Variants in PTPRT observed in about 807,000 individuals in gnomAD.
The protein encoded by PTPRT is receptor-type tyrosine-protein phosphatase T.
A neutral mutation model predicts 176.8 loss-of-function variants in PTPRT; 56 were observed. The ratio of observed to expected loss-of-function variants is 0.32; its 90% CI spans 0.26 to 0.40. The LOEUF is 0.40. Ranked by LOEUF, PTPRT falls within the 10% of genes least tolerant of loss-of-function variation. PTPRT has a pLI of 1.00. For synonymous variants in PTPRT, 783 were observed against 739.0 expected (o/e 1.06, Z -0.96); for missense variants, 1,540 against 1,908.2 (o/e 0.81, Z 3.60).
the PTPRT span, among the ~76,000 whole-genome samples, chr20:42,043,039 T>C: frequency 6.6e-6 from 1 of 152,236 alleles, no homozygotes. Flanking sequence ...AGAATATGCA[T>C]GGCACTGGCA....
At chr20:42,607,048 T>A (rs1555161) in intron 7 of PTPRT, among the ~76,000 whole-genome samples, 44,389 of 152,170 alleles carry the variant, frequency 0.29, 9,537 homozygotes, top group African/African-American at 0.61. Flanking sequence ...CACATGCTAC[T>A]ACATAGATTA....
chr20:43,040,764 T>C (rs2146212255), intron 1 of PTPRT, among the ~76,000 whole-genome samples: 1 of 152,308 alleles, frequency 6.6e-6, no homozygotes, highest in South Asian at 2.1e-4. Flanking sequence ...CCTGAGGCCA[T>C]GTCTGGGTAG....
intron 4 of PTPRT, among the ~76,000 whole-genome samples, chr20:42,773,719 CA>C (rs972864161): frequency 1.3e-5 from 2 of 152,146 alleles, no homozygotes; most frequent in African/African-American, 4.8e-5. Flanking sequence ...CAGTTCAAAT[CA>C]ATTCTTAAAA....
At chr20:42,877,730 C>G (rs1327355925) in intron 2 of PTPRT, among the ~76,000 whole-genome samples, 1 of 152,178 alleles carries the variant, frequency 6.6e-6, no homozygotes, top group Non-Finnish European at 1.5e-5. Context: ...GGCCCGTGAA[C>G]AAGCTTGCAG....
chr20:42,340,089 C>T (rs1028603475), intron 11 of PTPRT, among the ~76,000 whole-genome samples: 2 of 152,146 alleles, frequency 1.3e-5, no homozygotes, highest in African/African-American at 2.4e-5. Context: ...ATGGAAATGC[C>T]GTCCAGTATG....
intron 8 of PTPRT, among the ~76,000 whole-genome samples, chr20:42,456,367 TTTA>T (rs1483376189): frequency 6.6e-6 from 1 of 152,034 alleles, no homozygotes; most frequent in Non-Finnish European, 1.5e-5. Flanking sequence ...TTTCCAATCT[TTTA>T]TTTTCTTATC....
chr20:42,908,195 C>G (rs1479853286), intron 1 of PTPRT, among the ~76,000 whole-genome samples: 1 of 151,946 alleles, frequency 6.6e-6, no homozygotes, highest in Non-Finnish European at 1.5e-5. Flanking sequence ...GATGTCCAGC[C>G]CACGACCATG....
At chr20:42,210,284 G>C (rs1028281311) in intron 15 of PTPRT, among the ~76,000 whole-genome samples, 1 of 152,168 alleles carries the variant, frequency 6.6e-6, no homozygotes, top group African/African-American at 2.4e-5. Context: ...CACAGTGTTG[G>C]AAGTTCTGGC....
the PTPRT span, among the ~76,000 whole-genome samples, chr20:42,042,381 A>G: frequency 6.6e-6 from 1 of 152,332 alleles, no homozygotes; most frequent in South Asian, 2.1e-4. Flanking sequence ...GCCTGCCAGG[A>G]TGCTTTTGCC....
At chr20:42,583,171 C>T (rs2073408027) in intron 7 of PTPRT, among the ~76,000 whole-genome samples, 1 of 152,192 alleles carries the variant, frequency 6.6e-6, no homozygotes, top group African/African-American at 2.4e-5. Context: ...CAGAGATGAT[C>T]TTGCTCCTGA....
At chr20:42,237,740 T>C (rs1002073502) in intron 14 of PTPRT, among the ~76,000 whole-genome samples, 5 of 152,216 alleles carry the variant, frequency 3.3e-5, no homozygotes, top group African/African-American at 1.2e-4. Flanking sequence ...TTTTCTTATG[T>C]TGTAAGAAAA....
At chr20:43,023,384 T>A (rs1985780967) in intron 1 of PTPRT, among the ~76,000 whole-genome samples, 3 of 152,218 alleles carry the variant, frequency 2.0e-5, no homozygotes, top group Admixed American at 1.3e-4. Flanking sequence ...AAGTGTCAGC[T>A]TCATATGAGG....
intron 2 of PTPRT, among the ~76,000 whole-genome samples, chr20:42,808,694 A>G (rs1251043034): frequency 6.6e-6 from 1 of 152,142 alleles, no homozygotes; most frequent in Non-Finnish European, 1.5e-5. Flanking sequence ...GGATGCGTCA[A>G]GTAGATAGTT....
At chr20:42,284,518 T>C (rs759770670) in intron 12 of PTPRT, among the ~76,000 whole-genome samples, 1 of 152,092 alleles carries the variant, frequency 6.6e-6, no homozygotes, top group African/African-American at 2.4e-5. Context: ...ACAATCTGGA[T>C]AATGCCAATG....
At chr20:42,264,353 A>G (rs1477447024) in intron 13 of PTPRT, among the ~76,000 whole-genome samples, 2 of 152,198 alleles carry the variant, frequency 1.3e-5, no homozygotes, top group Non-Finnish European at 1.5e-5. Context: ...TGATGTACCA[A>G]TAGCCTTGTG....
At chr20:42,796,792 C>A (rs2145570960) in intron 2 of PTPRT, among the ~76,000 whole-genome samples, 1 of 152,288 alleles carries the variant, frequency 6.6e-6, no homozygotes, top group East Asian at 1.9e-4. Flanking sequence ...CCCTGGTGAG[C>A]AAGGACAATG....
intron 12 of PTPRT, among the ~76,000 whole-genome samples, chr20:42,299,431 T>C (rs1475699238): frequency 6.6e-6 from 1 of 152,178 alleles, no homozygotes; most frequent in Non-Finnish European, 1.5e-5. Context: ...AAAATATATA[T>C]TGAACCCTAG....
At position 42,977,443 on chromosome 20, in the gene PTPRT, C is replaced by T. The variant is rs558052744; in HGVS notation, c.89-91511G>A. On this transcript the variant is annotated intron_variant, in intron 1 of 30. Transcript: ENST00000373187. ...TATTTTATTTTCATATCACTTATTA[C>T]ACTTTCCAATTTTAAAAGAAATACT... is the stretch of plus-strand genomic sequence containing the variant. Among the ~76,000 whole-genome samples, 3 of 152,210 alleles carry T rather than the reference C, an allele frequency of 2.0e-5. No homozygotes were observed. In the South Asian group the frequency reaches 6.2e-4, roughly 32 times the overall value.
At chr20:42,523,594 T>C (rs1205406165) in intron 7 of PTPRT, among the ~76,000 whole-genome samples, 2 of 152,186 alleles carry the variant, frequency 1.3e-5, no homozygotes, top group Admixed American at 6.5e-5. Flanking sequence ...TTCCAGCCAA[T>C]TGCATTTTCT....
Sources: allele counts gnomAD v4.1 joint callset (sites outside exome capture counted in the v4.1 genomes callset), GRCh38; gene constraint gnomAD v4.1.1; transcripts MANE v1.5; gene names NCBI Gene and HGNC (gene_info 2026-07-23, HGNC 2026-07-21).